Variants in CARS1 observed in about 807,000 individuals in gnomAD.
CARS1 encodes the protein cysteine--tRNA ligase, cytoplasmic.
In CARS1, 48 loss-of-function variants were observed where a neutral mutation model predicts 106.2. The observed-to-expected ratio is 0.45, with a 90% CI of 0.36 to 0.57. The LOEUF (loss-of-function observed/expected upper bound fraction) is 0.57, where lower values mean the gene tolerates loss of function less well. CARS1 is among the 20% of genes least tolerant of loss of function. The pLI is 0.00. For synonymous variants in CARS1, 409 were observed against 403.4 expected (o/e 1.01, Z -0.17); for missense variants, 968 against 1,057.2 (o/e 0.92, Z 1.17).
At chr11:3,001,308 CCT>C in intron 22 of CARS1, 60 bp from the exon 23 acceptor site, 1 of 1,591,024 alleles carries the variant, frequency 6.3e-7, no homozygotes, top group South Asian at 1.1e-5. Flanking sequence ...CCCCAACTCC[CCT>C]TTCTTTGCCC....
chr11:3,031,719 A>G (rs1852785540), intron 7 of CARS1: 1 of 152,282 alleles, frequency 6.6e-6, no homozygotes, highest in Non-Finnish European at 1.5e-5. Flanking sequence ...AGAGACTCAT[A>G]AGCTGAAAAT....
chr11:3,036,854 G>A (rs1287649467), intron 7 of CARS1, among the ~76,000 whole-genome samples: 1 of 152,262 alleles, frequency 6.6e-6, no homozygotes, highest in South Asian at 2.1e-4. Flanking sequence ...TAGGAAGGAA[G>A]CAGAGTCTGA....
chr11:3,042,301 G>T, intron 2 of CARS1, 45 bp from the exon 3 acceptor site: 1 of 1,456,676 alleles, frequency 6.9e-7, no homozygotes, highest in Non-Finnish European at 9.5e-7. Context: ...GGCAGCACCA[G>T]GAAGTGCAAG....
Position 3,046,951 on chromosome 11 carries a change from A to C in CARS1, c.274+802T>G, listed in dbSNP as rs1205158959. Among the ~76,000 whole-genome samples the C allele has an allele frequency of 6.6e-6, 1 of 152,112 alleles. No homozygotes were observed. Among genetic ancestry groups the C allele is most frequent in the Non-Finnish European group, 1.5e-5 (1 of 68,018 alleles). On this transcript the variant is annotated intron_variant, in intron 2 of 22. Transcript: ENST00000380525. The surrounding 1 kb of genome is among the most constrained non-coding windows in gnomAD (Gnocchi z 5.8). Reference sequence around the variant, plus strand: ...GAGCTACGGGACAGACATCATCTCAAAGAGAAAAAATGACTTATTTCTGAT... The same window carrying C: ...GAGCTACGGGACAGACATCATCTCACAGAGAAAAAATGACTTATTTCTGAT...
intron 18 of CARS1, 90 bp from the exon 19 acceptor site, chr11:3,007,049 C>G: frequency 1.9e-6 from 2 of 1,052,864 alleles, no homozygotes; most frequent in Non-Finnish European, 2.9e-6. Context: ...AAGGAGGGGC[C>G]GTGGCCCACA....
Position 3,004,449 on chromosome 11 carries a change from C to T in CARS1, c.2217+917G>A, listed in dbSNP as rs1050599559. Among the ~76,000 whole-genome samples the T allele has an allele frequency of 2.6e-5, 4 of 152,198 alleles. No homozygotes were observed. Among genetic ancestry groups the T allele is most frequent in the Admixed American group, 2.6e-4 (4 of 15,284 alleles). On this transcript the variant is annotated intron_variant, in intron 20 of 22. Transcript: ENST00000380525. This position sits in a 1 kb window ranked among gnomAD's most constrained non-coding sequence, Gnocchi z 5.2. ...CTTCCTCAGTTCCTCCCAGAGCCTC[C>T]TTCCTGAGAGCTGTGGCATCCAAAC...
At position 3,042,290 on chromosome 11, in the gene CARS1, G is replaced by A. The variant is rs752897993; in HGVS notation, c.275-34C>T. On this transcript the variant is annotated intron_variant, in intron 2 of 22. Transcript: ENST00000380525. ...CAGAGAGAGCAGGATCAGGGTCCAG[G>A]GGCAGCACCAGGAAGTGCAAGTCGC... is the stretch of plus-strand genomic sequence containing the variant. 1.4e-5 allele frequency: 21 copies of A among 1,554,542 alleles called. No individual in the cohort carries two copies. In the East Asian group the frequency reaches 4.7e-4, roughly 35 times the overall value.
rs1855497811 is a variant in CARS1 at position 3,050,003 on chromosome 11, G to A, written c.26-2002C>T. Among the ~76,000 whole-genome samples the A allele has an allele frequency of 6.6e-6, 1 of 152,244 alleles. No individual in the cohort carries two copies. The highest frequency in any genetic ancestry group is 1.5e-5 in the Non-Finnish European group (1 of 68,042). ...GTCAGCAAAGATGAGTCAGAATGGA[G>A]TGCACAGCTGCAGCAGCAAGAATGC... is the stretch of plus-strand genomic sequence containing the variant. On this transcript the variant is annotated intron_variant, in intron 1 of 22. Coordinates refer to ENST00000380525, the MANE Select transcript of CARS1 (RefSeq NM_001014437.3). This position sits in a 1 kb window ranked among gnomAD's most constrained non-coding sequence, Gnocchi z 6.3.
chr11:3,002,711 G>C, intron 20 of CARS1, 111 bp from the exon 21 acceptor site: 1 of 1,533,876 alleles, frequency 6.5e-7, no homozygotes, highest in Non-Finnish European at 8.8e-7. Context: ...GGCATGGAGG[G>C]CTGAACTCTG....
rs530024816 is a variant in CARS1, at chr11:3,037,633, A to C, written c.801+417T>G. ...TGGTCAACGTGAAGGCCCCAAGCTC[A>C]GTAGGTACCCACAGGCCTCAATGCT... On this transcript the variant is annotated intron_variant, in intron 7 of 22. Transcript: ENST00000380525. This position sits in a 1 kb window ranked among gnomAD's most constrained non-coding sequence, Gnocchi z 5.9. Among the ~76,000 whole-genome samples, 17 of 152,218 alleles carry C rather than the reference A, an allele frequency of 1.1e-4. No homozygotes were observed. Among genetic ancestry groups the C allele is most frequent in the Non-Finnish European group, 2.1e-4 (14 of 68,030 alleles).
In CARS1 at chr11:3,048,250, A is replaced by G; in HGVS notation, c.26-249T>C. ...GAAAATGCTTTGGAACTAGACAGAA[A>G]TGAAGGCTGCATGACAACATCATGC... On this transcript the variant is annotated intron_variant, in intron 1 of 22. Transcript: ENST00000380525. This position sits in a 1 kb window ranked among gnomAD's most constrained non-coding sequence, Gnocchi z 5.1. 1 of 462,804 alleles carries G rather than the reference A, an allele frequency of 2.2e-6. No homozygotes were observed. The allele number at this position is 462,804 out of a possible 1,614,324, so 28.7% of individuals were successfully genotyped here. A position where few individuals can be genotyped will look rare whatever the true frequency, so the allele number is the denominator to read the frequency against.
At chr11:3,013,629 T>A (rs1046494945) in intron 17 of CARS1, among the ~76,000 whole-genome samples, 13 of 151,648 alleles carry the variant, frequency 8.6e-5, no homozygotes, top group Non-Finnish European at 1.9e-4. Context: ...AGTGGGTGGA[T>A]CATGAGGTCA....
At position 3,037,138 on chromosome 11, in the gene CARS1, GCAGTGA is replaced by G. The variant is rs1376404038; in HGVS notation, c.801+906_801+911del. On this transcript the variant is annotated intron_variant, in intron 7 of 22. Coordinates refer to ENST00000380525, the MANE Select transcript of CARS1 (RefSeq NM_001014437.3). The surrounding 1 kb of genome is among the most constrained non-coding windows in gnomAD (Gnocchi z 5.9). ...GCTCGGCTCCCAGGCAGGCACTGAG[GCAGTGA>G]CAGTGACCACATGTGGGTCGTCCCA... 6.6e-6 allele frequency among the ~76,000 whole-genome samples: 1 copy of G among 152,218 alleles called. No individual in the cohort carries two copies. Among genetic ancestry groups the G allele is most frequent in the Non-Finnish European group, 1.5e-5 (1 of 68,028 alleles).
chr11:3,056,788 C>A (rs1348026485), intron 1 of CARS1, among the ~76,000 whole-genome samples: 2 of 152,142 alleles, frequency 1.3e-5, no homozygotes, highest in African/African-American at 4.8e-5. Context: ...CAAGAGGGAG[C>A]GAGGGCCCGC....
rs376848832 is a variant in CARS1, at chr11:3,001,156, G to A, written c.2454C>T (p.Tyr818=). The change falls in exon 23 of 23, where the codon TAC becomes TAT. Residue 818 remains tyrosine (Y), a synonymous_variant. Transcript: ENST00000380525. ...TCTGGGCCATCTGCAGATATTCCTT[G>A]TAGAGCTTCTCCTGAGCCTCGAAGA... ...KKLFEAQEKL[Y]KEYLQMAQNG... is the part of the protein sequence containing the mutation. 5.0e-6 allele frequency: 8 copies of A among 1,614,116 alleles called. No individual in the cohort carries two copies. The highest frequency in any genetic ancestry group is 6.8e-6 in the Non-Finnish European group (8 of 1,180,010).
In CARS1 at chr11:3,026,227, G is replaced by A. The variant is rs548202259; in HGVS notation, c.1153+449C>T. 2.6e-5 allele frequency among the ~76,000 whole-genome samples: 4 copies of A among 152,268 alleles called. No homozygotes were observed. In the East Asian group the frequency reaches 7.7e-4, roughly 29 times the overall value. ...CAGGGGCAGTGAGTGGAGAGAGGTT[G>A]GTTTCTAGGCACAAACACACAGACA... On this transcript the variant is annotated intron_variant, in intron 10 of 22. Transcript: ENST00000380525.
rs1382761139 is a variant in CARS1, at chr11:3,003,488, G to T, written c.2218-888C>A. 6.6e-6 allele frequency among the ~76,000 whole-genome samples: 1 copy of T among 152,136 alleles called. No individual in the cohort carries two copies. Among genetic ancestry groups the T allele is most frequent in the Non-Finnish European group, 1.5e-5 (1 of 68,014 alleles). On this transcript the variant is annotated intron_variant, in intron 20 of 22. Transcript: ENST00000380525. The surrounding 1 kb of genome is among the most constrained non-coding windows in gnomAD (Gnocchi z 4.8). ...GTAGGCAGCTGGGCAAACTGTTTTTGGGCCACCGGCTACAAGATAGATGGT... is the reference window on the plus strand; with the variant it reads ...GTAGGCAGCTGGGCAAACTGTTTTTTGGCCACCGGCTACAAGATAGATGGT...
chr11:3,020,975 T>C lies in CARS1; in HGVS notation c.1154-643A>G, dbSNP rs185271967. ...GGAGTACTGCTCTTGGCACAAGTTC[T>C]ATTTCCTGGACAAAGCCAATGATCA... On this transcript the variant is annotated intron_variant, in intron 10 of 22. Coordinates refer to ENST00000380525, the MANE Select transcript of CARS1 (RefSeq NM_001014437.3). This position sits in a 1 kb window ranked among gnomAD's most constrained non-coding sequence, Gnocchi z 4.6. Among the ~76,000 whole-genome samples the C allele has an allele frequency of 2.0e-5, 3 of 152,330 alleles. No homozygotes were observed. In the East Asian group the frequency reaches 5.8e-4, roughly 29 times the overall value.
In CARS1 at chr11:3,028,678, G is replaced by A; in HGVS notation, c.1031+318C>T. 2.5e-6 allele frequency: 1 copy of A among 405,990 alleles called. No individual in the cohort carries two copies. Among genetic ancestry groups the A allele is most frequent in the East Asian group, 4.2e-5 (1 of 24,016 alleles). The allele number at this position is 405,990 out of a possible 1,614,324, so 25.1% of individuals were successfully genotyped here. A position where few individuals can be genotyped will look rare whatever the true frequency, so the allele number is the denominator to read the frequency against. On this transcript the variant is annotated intron_variant, in intron 9 of 22. Transcript: ENST00000380525. The surrounding 1 kb of genome is among the most constrained non-coding windows in gnomAD (Gnocchi z 4.4). ...CTCAAAATGTCTACGCAATGGCACT[G>A]ATGTCTGTGAAGGCCCAGCAGTATT...
Sources: allele counts gnomAD v4.1 joint callset (sites outside exome capture counted in the v4.1 genomes callset), GRCh38; gene constraint gnomAD v4.1.1; non-coding constraint Gnocchi (gnomAD v3.1); transcripts MANE v1.5; gene names NCBI Gene and HGNC (gene_info 2026-07-23, HGNC 2026-07-21).